Variants in PRKCH observed in about 807,000 individuals in gnomAD.
PRKCH encodes protein kinase C eta type.
A neutral mutation model predicts 82.5 loss-of-function variants in PRKCH; 28 were observed. That is an observed-to-expected ratio of 0.34 (90% CI 0.25 to 0.47). The LOEUF (loss-of-function observed/expected upper bound fraction) is 0.47. PRKCH is among the 20% of genes least tolerant of loss of function. PRKCH has a pLI of 1.00. For missense variants in PRKCH, 705 were observed against 881.8 expected, an observed-to-expected ratio of 0.80 and a Z score of 2.54; for synonymous variants, 322 against 327.4, an observed-to-expected ratio of 0.98 and a Z score of 0.18.
intron 1 of PRKCH, among the ~76,000 whole-genome samples, chr14:61,359,215 T>A (rs2046191285): frequency 6.6e-6 from 1 of 152,172 alleles, no homozygotes; most frequent in African/African-American, 2.4e-5. Context: ...CCTGTTTCTG[T>A]GGACCACAAT....
chr14:61,267,969 G>T (rs2045118462), intron 1 of PRKCH, among the ~76,000 whole-genome samples: 2 of 152,054 alleles, frequency 1.3e-5, no homozygotes, highest in Admixed American at 1.3e-4. Flanking sequence ...TGCTTCTGCT[G>T]ATATGAAAAG....
intron 1 of PRKCH, among the ~76,000 whole-genome samples, chr14:61,247,224 A>G (rs1305503711): frequency 6.6e-6 from 1 of 152,192 alleles, no homozygotes; most frequent in Non-Finnish European, 1.5e-5. Context: ...ACTTCCCAAA[A>G]AGAAAGTGTC....
rs76764648 is a variant in PRKCH, at chr14:61,432,884, CT to C, written c.428-10216del. Among the ~76,000 whole-genome samples, 971 of 138,948 alleles carry C rather than the reference CT, an allele frequency of 7.0e-3. 8 individuals carry two copies. The highest frequency in any genetic ancestry group is 0.023 in the African/African-American group (864 of 37,296). The allele number at this position is 138,948 out of a possible 152,430, so 91.2% of individuals were successfully genotyped here. On this transcript the variant is annotated intron_variant, in intron 2 of 13. Transcript: ENST00000332981. Reference sequence around the variant, plus strand: ...CCACCGTGATCCCCTTTACCTTTTTCTTTTTTTTTTTCCTTTATTTCTTCTT... The same window carrying C: ...CCACCGTGATCCCCTTTACCTTTTTCTTTTTTTTTTCCTTTATTTCTTCTT...
In PRKCH at chr14:61,449,060, C is replaced by T. The variant is rs141516379; in HGVS notation, c.614-104C>T. On this transcript the variant is annotated intron_variant, in intron 4 of 13. Transcript: ENST00000332981. ...ACCAGCTGCTGTCAAGGGGGCCAGA[C>T]GAGTCCAGTCTTGTTGGCACGGTGC... 930 of 1,011,296 alleles carry T rather than the reference C, an allele frequency of 9.2e-4. 9 individuals are homozygous for T. In the East Asian group the frequency reaches 0.017, roughly 19 times the overall value. 62.6% of individuals were successfully genotyped at this position (1,011,296 alleles called of 1,614,324 possible).
At chr14:61,443,335 A>G (rs1363543609) in intron 3 of PRKCH, 74 bp downstream of exon 3, 3 of 1,394,466 alleles carry the variant, frequency 2.2e-6, no homozygotes, top group Admixed American at 2.4e-5. Context: ...GTATGACTTC[A>G]GCAGAATGCA....
intron 10 of PRKCH, among the ~76,000 whole-genome samples, chr14:61,492,528 A>G (rs549107335): frequency 7.2e-5 from 11 of 152,370 alleles, no homozygotes; most frequent in African/African-American, 2.6e-4. Context: ...AAACAAAAAT[A>G]TGGCTAGAAA....
At chr14:61,214,827 C>T (rs73315461) in intron 1 of PRKCH, among the ~76,000 whole-genome samples, 5,640 of 152,196 alleles carry the variant, frequency 0.037, 209 homozygotes, top group African/African-American at 0.091. Flanking sequence ...AGATTCATTA[C>T]TTTCTTTTTG....
At chr14:61,459,607 G>A (rs76644792) in intron 9 of PRKCH, among the ~76,000 whole-genome samples, 9,307 of 152,234 alleles carry the variant, frequency 0.061, 700 homozygotes, top group East Asian at 0.26. Flanking sequence ...GAGGAATGAC[G>A]TATCAGGTTG....
intron 9 of PRKCH, among the ~76,000 whole-genome samples, chr14:61,459,559 C>T (rs1884936807): frequency 1.3e-5 from 2 of 152,114 alleles, no homozygotes; most frequent in African/African-American, 2.4e-5. Context: ...TGGGTTTAGT[C>T]CTGAGAGCAA....
chr14:61,294,524 T>A (rs988733861), intron 1 of PRKCH, among the ~76,000 whole-genome samples: 3 of 151,962 alleles, frequency 2.0e-5, no homozygotes, highest in Admixed American at 2.0e-4. Context: ...TATATTAGGC[T>A]TGTGTCACCC....
At position 61,424,800 on chromosome 14, in the gene PRKCH, G is replaced by A. The variant is rs1007087614; in HGVS notation, c.428-18311G>A. Among the ~76,000 whole-genome samples the A allele has an allele frequency of 1.5e-4, 23 of 152,326 alleles. No individual in the cohort carries two copies. In the South Asian group the frequency reaches 2.3e-3, roughly 15 times the overall value. ...AGCAGCCCCTCCCATTACAGGCCCC[G>A]AGGCCTAGAAGGGAAAAGTGGTTTC... On this transcript the variant is annotated intron_variant, in intron 2 of 13. Transcript: ENST00000332981.
chr14:61,446,892 G>T (rs2140281284), intron 4 of PRKCH, among the ~76,000 whole-genome samples: 1 of 152,288 alleles, frequency 6.6e-6, no homozygotes, highest in Middle Eastern at 3.4e-3. Context: ...CATCTCTATT[G>T]TTATTTTATT....
chr14:61,457,059 CTT>C, intron 7 of PRKCH, 115 bp from the exon 8 acceptor site: 2 of 1,134,692 alleles, frequency 1.8e-6, no homozygotes, highest in Non-Finnish European at 2.5e-6. Flanking sequence ...CTGAGTTGAT[CTT>C]TCCCCCACGT....
chr14:61,462,045 A>G (rs1227235744), intron 9 of PRKCH, among the ~76,000 whole-genome samples: 1 of 152,186 alleles, frequency 6.6e-6, no homozygotes, highest in Non-Finnish European at 1.5e-5. Context: ...GATGTCTCCA[A>G]AGCAAAGGAT....
chr14:61,492,849 A>C (rs572401475), intron 10 of PRKCH, among the ~76,000 whole-genome samples: 8 of 152,278 alleles, frequency 5.3e-5, no homozygotes, highest in South Asian at 2.1e-4. Context: ...CACTTGCCCT[A>C]AGATGGATGT....
chr14:61,210,427 C>G (rs552276265), intron 1 of PRKCH, among the ~76,000 whole-genome samples: 2 of 152,026 alleles, frequency 1.3e-5, no homozygotes, highest in Admixed American at 6.5e-5. Flanking sequence ...ACTACCCACC[C>G]ATATCTATCA....
At position 61,385,597 on chromosome 14, in the gene PRKCH, T is replaced by G. The variant is rs188985412; in HGVS notation, c.364-5628T>G. ...TCAACGTTAATGATAATCTTGCTCT[T>G]GCTGGTGAAAGTCAGGTCACACACT... On this transcript the variant is annotated intron_variant, in intron 1 of 13. Coordinates refer to ENST00000332981, the MANE Select transcript of PRKCH (RefSeq NM_006255.5). Among the ~76,000 whole-genome samples the G allele has an allele frequency of 1.4e-3, 218 of 152,312 alleles. 1 individual carries two copies. Among genetic ancestry groups the G allele is most frequent in the African/African-American group, 4.9e-3 (204 of 41,560 alleles).
intron 1 of PRKCH, among the ~76,000 whole-genome samples, chr14:61,247,534 G>C (rs756645980): frequency 2.0e-5 from 3 of 151,874 alleles, no homozygotes; most frequent in Non-Finnish European, 4.4e-5. Context: ...TCAGGAGTTC[G>C]AGACCAGCCT....
At position 61,439,701 on chromosome 14, in the gene PRKCH, G is replaced by T. The variant is rs143839639; in HGVS notation, c.428-3410G>T. 3.0e-3 allele frequency among the ~76,000 whole-genome samples: 452 copies of T among 152,192 alleles called. 5 individuals are homozygous for T. The highest frequency in any genetic ancestry group is 0.01 in the African/African-American group (435 of 41,522). On this transcript the variant is annotated intron_variant, in intron 2 of 13. Transcript: ENST00000332981. ...GCATGTCACCCGGCTTTAGGATTTG[G>T]GGGAGTTTGCTCAGGCTCTGAGGCA... is the stretch of plus-strand genomic sequence containing the variant.
Sources: allele counts gnomAD v4.1 joint callset (sites outside exome capture counted in the v4.1 genomes callset), GRCh38; gene constraint gnomAD v4.1.1; transcripts MANE v1.5; gene names NCBI Gene and HGNC (gene_info 2026-07-23, HGNC 2026-07-21).